Variants in GNL2 observed in about 807,000 individuals in gnomAD.
GNL2 encodes G protein nucleolar 2.
A neutral mutation model predicts 92.3 loss-of-function variants in GNL2; 51 were observed. The ratio of observed to expected loss-of-function variants is 0.55; its 90% CI spans 0.44 to 0.70. The LOEUF (loss-of-function observed/expected upper bound fraction) is 0.70, where lower values mean the gene tolerates loss of function less well. GNL2 is among the 30% of genes least tolerant of loss of function. GNL2 has a pLI of 0.00. For missense variants in GNL2, 844 were observed against 895.6 expected (o/e 0.94, Z 0.74); for synonymous variants, 283 against 300.6 (o/e 0.94, Z 0.61).
chr1:37,595,929 C>A lies in GNL2; in HGVS notation c.-107G>T. The A allele has an allele frequency of 1.2e-6, 1 of 858,024 alleles. No homozygotes were observed. Among genetic ancestry groups the A allele is most frequent in the Non-Finnish European group, 2.0e-6 (1 of 511,102 alleles). 53.2% of individuals were successfully genotyped at this position (858,024 alleles called of 1,614,324 possible). A position where few individuals can be genotyped will look rare whatever the true frequency, so the allele number is the denominator to read the frequency against. ...GACACCCGCCTGAACCACGCCGGACCACGTGTGCACGACGTACGTCACTTC... is the reference window on the plus strand; with the variant it reads ...GACACCCGCCTGAACCACGCCGGACAACGTGTGCACGACGTACGTCACTTC... On this transcript the variant is annotated 5_prime_UTR_variant, in exon 1 of 16. Transcript: ENST00000373062.
At chr1:37,572,080 T>C (rs948746177) in intron 12 of GNL2, among the ~76,000 whole-genome samples, 1 of 152,136 alleles carries the variant, frequency 6.6e-6, no homozygotes, top group Non-Finnish European at 1.5e-5. Flanking sequence ...CTGTCTCATA[T>C]TAAGGGCTCT....
chr1:37,593,891 A>T, intron 1 of GNL2, 45 bp from the exon 2 acceptor site: 1 of 1,395,888 alleles, frequency 7.2e-7, no homozygotes, highest in East Asian at 2.3e-5. Flanking sequence ...ATAACCAACC[A>T]GTATAACCAA....
rs754517898 is a variant in GNL2 at position 37,567,007 on chromosome 1, G to A, written c.2044C>T (p.Arg682Trp). The A allele has an allele frequency of 7.5e-6, 12 of 1,604,046 alleles. No individual in the cohort carries two copies. Among genetic ancestry groups the A allele is most frequent in the East Asian group, 6.7e-5 (3 of 44,816 alleles). Residue 682 changes from arginine (R) to tryptophan (W), a missense_variant and splice_region_variant, in exon 16 of 16, where the codon CGG (arginine) becomes TGG (tryptophan). Coordinates refer to ENST00000373062, the MANE Select transcript of GNL2 (RefSeq NM_013285.3). ...CGTTGCTGTCGTACTGCTCGCCTCC[G>A]CTGTAAAAAATGGCAAGAAAAGATG... ...KAPRALTSKERRRAVRQQRPK... is the reference protein window; with the variant it reads ...KAPRALTSKEWRRAVRQQRPK...
At chr1:37,572,813 A>C (rs116804934) in intron 12 of GNL2, among the ~76,000 whole-genome samples, 1 of 152,342 alleles carries the variant, frequency 6.6e-6, no homozygotes, top group African/African-American at 2.4e-5. Context: ...TGAAGCTGCC[A>C]TCTGAAGCAG....
At position 37,568,832 on chromosome 1, in the gene GNL2, G is replaced by C. The variant is rs1396836723; in HGVS notation, c.1868+19C>G. 6.3e-7 allele frequency: 1 copy of C among 1,582,748 alleles called. No individual in the cohort carries two copies. Among genetic ancestry groups the C allele is most frequent in the East Asian group, 2.2e-5 (1 of 44,646 alleles). The stretch of plus-strand genomic sequence containing the variant: ...AAAGGAATGAAAATCTGCAATTTGT[G>C]AGAAGATGAAAATATTACCTGACTG... On this transcript the variant is annotated intron_variant, in intron 13 of 15. Coordinates refer to ENST00000373062, the MANE Select transcript of GNL2 (RefSeq NM_013285.3).
intron 15 of GNL2, 54 bp from the exon 16 acceptor site, chr1:37,567,061 T>A (rs749474848): frequency 2.9e-5 from 45 of 1,570,050 alleles, no homozygotes; most frequent in Non-Finnish European, 3.7e-5. Flanking sequence ...ACCCTGAAAG[T>A]CATTCACAAA....
intron 8 of GNL2, among the ~76,000 whole-genome samples, chr1:37,577,850 T>TG (rs1184604226): frequency 6.6e-6 from 1 of 152,192 alleles, no homozygotes. Context: ...CCTATGAAAG[T>TG]GGCTTTTGGA....
chr1:37,595,603 G>A (rs1217490255), intron 1 of GNL2, among the ~76,000 whole-genome samples, 156 bp downstream of exon 1: 1 of 152,150 alleles, frequency 6.6e-6, no homozygotes, highest in African/African-American at 2.4e-5. Context: ...CACAAATATT[G>A]CTTTCCTTTT....
At chr1:37,582,370 G>T in intron 7 of GNL2, 34 bp from the exon 8 acceptor site, 1 of 1,274,714 alleles carries the variant, frequency 7.8e-7, no homozygotes, top group Non-Finnish European at 1.1e-6. Context: ...TTGGTAAACT[G>T]CAGTACATTT....
At chr1:37,584,526 C>T (rs563938934) in intron 5 of GNL2, among the ~76,000 whole-genome samples, 2 of 149,230 alleles carry the variant, frequency 1.3e-5, no homozygotes, top group East Asian at 2.0e-4. Flanking sequence ...ACCTTGAAGA[C>T]ATTATGCTAA....
At chr1:37,585,765 C>G (rs776262159) in intron 5 of GNL2, among the ~76,000 whole-genome samples, 39 of 152,200 alleles carry the variant, frequency 2.6e-4, no homozygotes, top group Non-Finnish European at 5.0e-4. Flanking sequence ...TGAAGATGGG[C>G]TGACAATAGC....
rs900299826 is a variant in GNL2 at position 37,567,960 on chromosome 1, G to A, written c.1952-196C>T. On this transcript the variant is annotated intron_variant, in intron 14 of 15. Transcript: ENST00000373062. ...CCTAAGCCATGCTCTCAGTGTGAAA[G>A]CTGATGGTCAAATGGAGGAATGGAT... 1.0e-5 allele frequency: 6 copies of A among 600,268 alleles called. No homozygotes were observed. The African/African-American group carries it at 1.1e-4, about 11-fold the overall frequency. The allele number at this position is 600,268 out of a possible 1,614,324, so 37.2% of individuals were successfully genotyped here.
At chr1:37,593,508 G>C (rs925414651) in intron 2 of GNL2, 1 of 396,378 alleles carries the variant, frequency 2.5e-6, no homozygotes, top group Non-Finnish European at 4.5e-6. Flanking sequence ...GCCATTTGTG[G>C]AGGTCAGGGC....
At chr1:37,574,591 A>G in intron 11 of GNL2, 74 bp downstream of exon 11, 4 of 1,455,234 alleles carry the variant, frequency 2.7e-6, no homozygotes, top group Non-Finnish European at 3.8e-6. Flanking sequence ...CATGCATACC[A>G]AAAAAAGGCC....
chr1:37,577,969 A>T lies in GNL2; in HGVS notation c.910-1413T>A, dbSNP rs76521355. On this transcript the variant is annotated intron_variant, in intron 8 of 15. Transcript: ENST00000373062. ...CCCAGAATGATTAATTGAAAATCTA[A>T]GTATTCAATAGTGAGATGCCCAGTC... is the stretch of plus-strand genomic sequence containing the variant. Among the ~76,000 whole-genome samples the T allele has an allele frequency of 4.3e-3, 662 of 152,320 alleles. 2 individuals carry two copies. The highest frequency in any genetic ancestry group is 0.015 in the African/African-American group (641 of 41,560).
chr1:37,574,737 G>GT lies in GNL2; in HGVS notation c.1229dup (p.Tyr410Ter). 1 of 1,613,544 alleles carries GT rather than the reference G, an allele frequency of 6.2e-7. No homozygotes were observed. Among genetic ancestry groups the GT allele is most frequent in the Non-Finnish European group, 8.5e-7 (1 of 1,179,464 alleles). The change falls in exon 11 of 16, where the codon TAC becomes TAAC. Residue 410 changes from tyrosine to a stop codon, truncating the protein, a stop_gained and frameshift_variant. Transcript: ENST00000373062. LOFTEE classifies it high-confidence loss of function. ...CAGCATTCTCCCAAGAATCAATCTT[G>GT]TATGTTTTGCTGATATATTCTGGCT... ...RAKPEYISKT[Y>*]KIDSWENAED...
At chr1:37,582,464 T>A in intron 7 of GNL2, 128 bp from the exon 8 acceptor site, 1 of 608,114 alleles carries the variant, frequency 1.6e-6, no homozygotes, top group South Asian at 2.3e-5. Context: ...TTAGCTATAA[T>A]TCTTTGAAAT....
chr1:37,576,364 C>T, intron 9 of GNL2, 64 bp downstream of exon 9: 1 of 1,478,322 alleles, frequency 6.8e-7, no homozygotes. Flanking sequence ...TCAACAAGTC[C>T]TAAACAATCA....
Position 37,582,885 on chromosome 1 carries a change from T to C in GNL2, c.688A>G (p.Met230Val), listed in dbSNP as rs201425580. ...TCAATGTGAGGGGAACGAGTACCCATTGGATCTCTAGCATCAAGAACTTGA... is the reference window on the plus strand; with the variant it reads ...TCAATGTGAGGGGAACGAGTACCCACTGGATCTCTAGCATCAAGAACTTGA... ...VVQVLDARDP[M>V]GTRSPHIETY... is the part of the protein sequence containing the mutation. Residue 230 changes from methionine (M) to valine (V), a missense_variant, in exon 7 of 16, where the codon ATG (methionine) becomes GTG (valine). Transcript: ENST00000373062. 2.2e-5 allele frequency: 36 copies of C among 1,612,640 alleles called. No individual in the cohort carries two copies. Among genetic ancestry groups the C allele is most frequent in the Middle Eastern group, 1.7e-4 (1 of 6,060 alleles).
Sources: allele counts gnomAD v4.1 joint callset (sites outside exome capture counted in the v4.1 genomes callset), GRCh38; gene constraint gnomAD v4.1.1; transcripts MANE v1.5; gene names NCBI Gene and HGNC (gene_info 2026-07-23, HGNC 2026-07-21).